RUFY3: variants seen among roughly 807,000 people sequenced by gnomAD.
The protein encoded by RUFY3 is protein RUFY3.
RUFY3 carries 34 observed loss-of-function variants against 84.0 expected under a neutral mutation model. The ratio of observed to expected loss-of-function variants is 0.40; its 90% CI spans 0.31 to 0.54. RUFY3 has a LOEUF of 0.54. Ranked by LOEUF, RUFY3 falls within the 20% of genes least tolerant of loss-of-function variation. The probability of loss-of-function intolerance (pLI) is 0.39; values close to 1 mark genes in which losing one functional copy is unlikely to be tolerated. For synonymous variants in RUFY3, 242 were observed against 252.9 expected (o/e 0.96, Z 0.41); for missense variants, 507 against 736.8 (o/e 0.69, Z 3.61).
In RUFY3 at chr4:70,808,123, T is replaced by C. The variant is rs1356445936; in HGVS notation, c.*1464T>C. Among the ~76,000 whole-genome samples the C allele has an allele frequency of 1.3e-5, 2 of 152,338 alleles. No individual in the cohort carries two copies. The highest frequency in any genetic ancestry group is 2.4e-5 in the African/African-American group (1 of 41,566). On this transcript the variant is annotated 3_prime_UTR_variant, in exon 18 of 18. Coordinates refer to ENST00000381006, the MANE Select transcript of RUFY3 (RefSeq NM_001037442.4). The stretch of plus-strand genomic sequence containing the variant: ...ATAAAATACCTACACATCACTTCAT[T>C]TGCATGGATTCAACATAGTGCTTGG...
chr4:70,708,326 C>T (rs1367654429), intron 1 of RUFY3, among the ~76,000 whole-genome samples: 3 of 151,898 alleles, frequency 2.0e-5, no homozygotes, highest in Non-Finnish European at 4.4e-5. Context: ...TGCGCACCAC[C>T]ACCCCAGCTA....
intron 1 of RUFY3, among the ~76,000 whole-genome samples, chr4:70,760,734 A>G (rs1424479013): frequency 6.6e-6 from 1 of 152,208 alleles, no homozygotes; most frequent in Non-Finnish European, 1.5e-5. Flanking sequence ...TCTACATTTA[A>G]GCTATGGCCA....
chr4:70,741,757 C>T lies in RUFY3; in HGVS notation c.178+19006C>T, dbSNP rs1018155831. ...TTCTAACCACCTTTTAATTGTTTTC[C>T]GTAAGAGGAAATGTCAGCTTTAGGT... On this transcript the variant is annotated intron_variant, in intron 1 of 17. Coordinates refer to ENST00000381006, the MANE Select transcript of RUFY3 (RefSeq NM_001037442.4). 7.0e-5 allele frequency: 77 copies of T among 1,107,100 alleles called. No homozygotes were observed. The African/African-American group carries it at 1.1e-3, about 15-fold the overall frequency. 68.6% of individuals were successfully genotyped at this position (1,107,100 alleles called of 1,614,324 possible).
intron 10 of RUFY3, 125 bp from the exon 11 acceptor site, chr4:70,788,681 G>T: frequency 1.1e-6 from 1 of 909,178 alleles, no homozygotes; most frequent in Non-Finnish European, 1.6e-6. Flanking sequence ...ATGAATGGTA[G>T]CTTAAGCTAT....
chr4:70,783,293 CTTTTT>C (rs775825988), intron 9 of RUFY3, 110 bp downstream of exon 9: 14,149 of 694,186 alleles, frequency 0.02, 232 homozygotes, highest in African/African-American at 0.048. Context: ...ATCAAGCACA[CTTTTT>C]ATTTAGACTC....
At chr4:70,789,001 C>G in intron 11 of RUFY3, 28 bp downstream of exon 11, 1 of 1,604,264 alleles carries the variant, frequency 6.2e-7, no homozygotes, top group African/African-American at 1.3e-5. Context: ...AATAGACTCA[C>G]TGGCTCTCTA....
chr4:70,773,003 T>C (rs1277700626), intron 5 of RUFY3, among the ~76,000 whole-genome samples: 1 of 152,154 alleles, frequency 6.6e-6, no homozygotes, highest in Non-Finnish European at 1.5e-5. Context: ...AATAATAAAA[T>C]GGCAATCTTG....
At chr4:70,782,977 C>T in intron 8 of RUFY3, 114 bp from the exon 9 acceptor site, 1 of 649,544 alleles carries the variant, frequency 1.5e-6, no homozygotes, top group South Asian at 2.2e-5. Flanking sequence ...TTATAGCTTC[C>T]TTGCTTTCTA....
At chr4:70,718,147 T>C (rs1326584687), upstream of RUFY3, among the ~76,000 whole-genome samples, 6 of 152,188 alleles carry the variant, frequency 3.9e-5, no homozygotes, top group Non-Finnish European at 5.9e-5. Flanking sequence ...CCTCCCAAAG[T>C]GCTGGGATTA....
chr4:70,801,979 T>A lies in RUFY3; in HGVS notation c.1623-977T>A, dbSNP rs1170093543. 3.9e-5 allele frequency among the ~76,000 whole-genome samples: 6 copies of A among 152,228 alleles called. No individual in the cohort carries two copies. In the East Asian group the frequency reaches 1.2e-3, roughly 29 times the overall value. ...CTGAGAATATGGAACAGTGCTTCCT[T>A]ATATCTGAATTGTGCTCTGCAACTT... is the stretch of plus-strand genomic sequence containing the variant. On this transcript the variant is annotated intron_variant, in intron 15 of 17. Transcript: ENST00000381006.
At position 70,780,537 on chromosome 4, in the gene RUFY3, C is replaced by T. The variant is rs112995460; in HGVS notation, c.894+2099C>T. ...TGAGCTCCCGGCCTCAGGTGATCCACCCGCCTCGGCCTCCCAAAGTGCTGG... is the reference window on the plus strand; with the variant it reads ...TGAGCTCCCGGCCTCAGGTGATCCATCCGCCTCGGCCTCCCAAAGTGCTGG... On this transcript the variant is annotated intron_variant, in intron 8 of 17. Coordinates refer to ENST00000381006, the MANE Select transcript of RUFY3 (RefSeq NM_001037442.4). Among the ~76,000 whole-genome samples the T allele has an allele frequency of 5.7e-3, 866 of 152,342 alleles. 14 individuals carry two copies. The highest frequency in any genetic ancestry group is 0.02 in the African/African-American group (840 of 41,566).
intron 1 of RUFY3, among the ~76,000 whole-genome samples, chr4:70,731,882 G>A (rs1719337859): frequency 6.6e-6 from 1 of 152,198 alleles, no homozygotes; most frequent in Admixed American, 6.5e-5. Context: ...AGCAGTTTGT[G>A]ATAGCAGTAA....
At chr4:70,756,091 G>A (rs1010002449) in intron 1 of RUFY3, among the ~76,000 whole-genome samples, 7 of 152,000 alleles carry the variant, frequency 4.6e-5, no homozygotes, top group South Asian at 2.1e-4. Flanking sequence ...CTGCACCATC[G>A]TCCATCTAAT....
At chr4:70,792,013 C>T (rs1730904431) in intron 12 of RUFY3, 1 of 985,094 alleles carries the variant, frequency 1.0e-6, no homozygotes, top group South Asian at 4.7e-5. Context: ...ATGTGGACGC[C>T]TGGGGAAACC....
chr4:70,780,583 G>A (rs987051429), intron 8 of RUFY3, among the ~76,000 whole-genome samples: 3 of 152,144 alleles, frequency 2.0e-5, no homozygotes, highest in Admixed American at 6.5e-5. Flanking sequence ...ATGAGCCGCC[G>A]TACCCAGCCA....
At chr4:70,748,671 C>T (rs1478326634) in intron 1 of RUFY3, among the ~76,000 whole-genome samples, 1 of 152,122 alleles carries the variant, frequency 6.6e-6, no homozygotes, top group Non-Finnish European at 1.5e-5. Flanking sequence ...ATATCTGTGC[C>T]AGTTCTTCTT....
intron 1 of RUFY3, among the ~76,000 whole-genome samples, chr4:70,755,919 C>G (rs1723933442): frequency 6.6e-6 from 1 of 151,498 alleles, no homozygotes; most frequent in Non-Finnish European, 1.5e-5. Context: ...CCTCTGCACT[C>G]CATCCCGGGT....
rs1008446669 is a variant in RUFY3, at chr4:70,722,312, G to T, written c.-262G>T. On this transcript the variant is annotated 5_prime_UTR_variant, in exon 1 of 18. Transcript: ENST00000381006. ...ATAAAAGGAGAGGAAGCTGGGAGAA[G>T]ACAAGCATCATCTTATTTTGCTATG... The T allele has an allele frequency of 8.1e-7, 1 of 1,234,112 alleles. No homozygotes were observed. The highest frequency in any genetic ancestry group is 1.5e-5 in the African/African-American group (1 of 64,646). The allele number at this position is 1,234,112 out of a possible 1,614,324, so 76.4% of individuals were successfully genotyped here. A position where few individuals can be genotyped will look rare whatever the true frequency, so the allele number is the denominator to read the frequency against.
At chr4:70,755,148 C>T (rs1723788314) in intron 1 of RUFY3, among the ~76,000 whole-genome samples, 1 of 152,130 alleles carries the variant, frequency 6.6e-6, no homozygotes, top group African/African-American at 2.4e-5. Flanking sequence ...AGATGATCCT[C>T]CCTGAGCCAC....
Sources: gnomAD v4.1 joint callset for allele counts (sites outside exome capture counted in the v4.1 genomes callset) on GRCh38, gnomAD v4.1.1 for gene constraint, MANE v1.5 for transcripts, NCBI Gene and HGNC (gene_info 2026-07-23, HGNC 2026-07-21) for gene names.